CACNA1C: variants seen among roughly 807,000 people sequenced by gnomAD.
CACNA1C encodes the protein voltage-dependent L-type calcium channel subunit alpha-1C.
Under a neutral mutation model 229.0 loss-of-function variants are expected in CACNA1C, and 30 were observed. That is an observed-to-expected ratio of 0.13 (90% CI 0.10 to 0.18). CACNA1C has a LOEUF of 0.18. Among genes scored for constraint, CACNA1C ranks in the 10% least tolerant of loss-of-function variants. The probability of loss-of-function intolerance (pLI) is 1.00; values close to 1 mark genes in which losing one functional copy is unlikely to be tolerated. For synonymous variants in CACNA1C, 1,114 were observed against 1,132.5 expected, an observed-to-expected ratio of 0.98 and a Z score of 0.33; for missense variants, 1,658 against 2,845.0, an observed-to-expected ratio of 0.58 and a Z score of 9.49.
chr12:2,050,896 G>A (rs1175596419), upstream of CACNA1C, among the ~76,000 whole-genome samples: 5 of 152,126 alleles, frequency 3.3e-5, no homozygotes, highest in Non-Finnish European at 1.5e-5. Flanking sequence ...AGTATCTCAG[G>A]CACTCACTCA....
intron 3 of CACNA1C, among the ~76,000 whole-genome samples, chr12:2,177,762 A>G (rs1277224075): frequency 6.6e-6 from 1 of 151,768 alleles, no homozygotes; most frequent in Non-Finnish European, 1.5e-5. Context: ...TCTGCCTCCC[A>G]AGTAGCTGGG....
At chr12:2,333,610 T>A (rs2096612569) in intron 3 of CACNA1C, among the ~76,000 whole-genome samples, 1 of 152,190 alleles carries the variant, frequency 6.6e-6, no homozygotes, top group Non-Finnish European at 1.5e-5. Flanking sequence ...GTTAGGGTGA[T>A]TCTGACCCCT....
At position 2,678,490 on chromosome 12, in the gene CACNA1C, T is replaced by TTGCC. The variant is rs2096937919; in HGVS notation, c.5091+629_5091+632dup. Reference sequence around the variant, plus strand: ...AAGGGGCGTTTATCACTCATTTGTGTTGCCTGCCTCACCACGCTGGTGTTT... The same window carrying TTGCC: ...AAGGGGCGTTTATCACTCATTTGTGTTGCCTGCCTGCCTCACCACGCTGGTGTTT... On this transcript the variant is annotated intron_variant, in intron 41 of 46. Transcript: ENST00000399655. The surrounding 1 kb of genome is among the most constrained non-coding windows in gnomAD (Gnocchi z 4.1). Among the ~76,000 whole-genome samples, 2 of 152,340 alleles carry TTGCC rather than the reference T, an allele frequency of 1.3e-5. No homozygotes were observed. The highest frequency in any genetic ancestry group is 2.4e-5 in the African/African-American group (1 of 41,580).
intron 46 of CACNA1C, 25 bp downstream of exon 46, chr12:2,688,804 G>C (rs1480423801): frequency 1.4e-6 from 2 of 1,466,234 alleles, no homozygotes; most frequent in African/African-American, 2.8e-5. Context: ...GATGGGCAGG[G>C]GGGAGAGGCC....
chr12:2,157,929 T>C (rs2095634778), intron 3 of CACNA1C, among the ~76,000 whole-genome samples: 1 of 152,096 alleles, frequency 6.6e-6, no homozygotes, highest in South Asian at 2.1e-4. Flanking sequence ...AATTAAAACA[T>C]TGATAATTAA....
intron 4 of CACNA1C, among the ~76,000 whole-genome samples, chr12:2,454,088 G>T (rs529716883): frequency 2.2e-4 from 34 of 152,278 alleles, no homozygotes; most frequent in African/African-American, 8.2e-4. Context: ...CTCCAGTTTT[G>T]ACATTTGTGT....
Position 2,651,669 on chromosome 12 carries a change from C to T in CACNA1C, c.3975C>T (p.Ile1325=), listed in dbSNP as rs1287061592. The T allele has an allele frequency of 7.4e-6, 12 of 1,613,962 alleles. No homozygotes were observed. The highest frequency in any genetic ancestry group is 1.0e-5 in the Non-Finnish European group (12 of 1,179,854). ...MNAEENSRIS[I]TFFRLFRVMR... is the part of the protein sequence containing the mutation. The stretch of plus-strand genomic sequence containing the variant: ...CAGAGGAAAACTCCCGCATCTCCAT[C>T]ACCTTCTTCCGCCTGTTCCGGGTCA... Residue 1325 remains isoleucine, a synonymous_variant, in exon 32 of 47, where the codon ATC becomes ATT. Coordinates refer to ENST00000399655, the MANE Select transcript of CACNA1C (RefSeq NM_000719.7). The surrounding 1 kb of genome is among the most constrained non-coding windows in gnomAD (Gnocchi z 5.4).
chr12:2,402,453 G>T (rs73246626), intron 3 of CACNA1C, among the ~76,000 whole-genome samples: 2,158 of 152,334 alleles, frequency 0.014, 54 homozygotes, highest in African/African-American at 0.047. Flanking sequence ...CAGGCAGGAG[G>T]TGGCACTGCA....
chr12:2,111,530 T>A (rs1287018823), intron 1 of CACNA1C, among the ~76,000 whole-genome samples: 1 of 140,440 alleles, frequency 7.1e-6, no homozygotes, highest in Non-Finnish European at 1.5e-5. Context: ...TGCAGGGGGG[T>A]GAGTACAAAG....
At chr12:2,113,626 C>T (rs1258131410) in intron 1 of CACNA1C, among the ~76,000 whole-genome samples, 1 of 152,158 alleles carries the variant, frequency 6.6e-6, no homozygotes, top group African/African-American at 2.4e-5. Context: ...GCTGAAGTGT[C>T]CTCAGATGCC....
At position 2,601,768 on chromosome 12, in the gene CACNA1C, T is replaced by A; in HGVS notation, c.2854-86T>A. The stretch of plus-strand genomic sequence containing the variant: ...TGGTGCTTGGGACTTGCCCAAGGGA[T>A]GCTGTGGGAGGAAGGGGTGGTGTGA... On this transcript the variant is annotated intron_variant, in intron 21 of 46. Coordinates refer to ENST00000399655, the MANE Select transcript of CACNA1C (RefSeq NM_000719.7). The surrounding 1 kb of genome is among the most constrained non-coding windows in gnomAD (Gnocchi z 5.9). 1 of 840,422 alleles carries A rather than the reference T, an allele frequency of 1.2e-6. No individual in the cohort carries two copies. Among genetic ancestry groups the A allele is most frequent in the Non-Finnish European group, 2.1e-6 (1 of 478,092 alleles). 52.1% of individuals were successfully genotyped at this position (840,422 alleles called of 1,614,324 possible). A position where few individuals can be genotyped will look rare whatever the true frequency, so the allele number is the denominator to read the frequency against.
chr12:2,377,199 G>C (rs1224392708), intron 3 of CACNA1C, among the ~76,000 whole-genome samples: 1 of 152,170 alleles, frequency 6.6e-6, no homozygotes, highest in Non-Finnish European at 1.5e-5. Context: ...TTAAACACCA[G>C]CATGAGCTGT....
At chr12:2,059,069 G>A (rs924033592) in intron 1 of CACNA1C, among the ~76,000 whole-genome samples, 7 of 152,134 alleles carry the variant, frequency 4.6e-5, no homozygotes, top group African/African-American at 1.4e-4. Flanking sequence ...TTCCCCTGCC[G>A]AATTCAGGCA....
intron 9 of CACNA1C, among the ~76,000 whole-genome samples, chr12:2,548,631 C>T (rs1446417380): frequency 6.6e-6 from 1 of 152,204 alleles, no homozygotes; most frequent in Non-Finnish European, 1.5e-5. Flanking sequence ...GTCTCTCATA[C>T]ACAACAGTCA....
intron 3 of CACNA1C, among the ~76,000 whole-genome samples, chr12:2,296,215 G>T (rs1040078464): frequency 6.6e-6 from 1 of 152,200 alleles, no homozygotes; most frequent in African/African-American, 2.4e-5. Flanking sequence ...TAGTCACTCT[G>T]TTCTAATGCT....
intron 1 of CACNA1C, among the ~76,000 whole-genome samples, chr12:2,001,774 C>G (rs1312719333): frequency 1.3e-5 from 2 of 152,186 alleles, no homozygotes; most frequent in Non-Finnish European, 2.9e-5. Context: ...GCTAGGAACA[C>G]AACGTTAGTC....
intron 10 of CACNA1C, among the ~76,000 whole-genome samples, chr12:2,552,842 TGGGAGCATGTGAAGA>T (rs924537244): frequency 2.6e-5 from 4 of 151,708 alleles, no homozygotes; most frequent in African/African-American, 9.7e-5. Flanking sequence ...GGGAGGAAGA[TGGGAGCATGTGAAGA>T]GGAGTAGCAT....
At chr12:2,367,159 T>G (rs1370965279) in intron 3 of CACNA1C, among the ~76,000 whole-genome samples, 1 of 152,212 alleles carries the variant, frequency 6.6e-6, no homozygotes, top group African/African-American at 2.4e-5. Context: ...GATGAAGCTG[T>G]TCCACCTCAG....
At chr12:2,268,792 A>C (rs941787099) in intron 3 of CACNA1C, among the ~76,000 whole-genome samples, 1 of 152,204 alleles carries the variant, frequency 6.6e-6, no homozygotes, top group African/African-American at 2.4e-5. Context: ...AAGATGATTT[A>C]GTTCCGGAAG....
Sources: gnomAD v4.1 joint callset for allele counts (sites outside exome capture counted in the v4.1 genomes callset) on GRCh38, gnomAD v4.1.1 for gene constraint, Gnocchi (gnomAD v3.1) non-coding constraint, MANE v1.5 for transcripts, NCBI Gene and HGNC (gene_info 2026-07-23, HGNC 2026-07-21) for gene names.